MEI1: variants seen among roughly 807,000 people sequenced by gnomAD.
MEI1 encodes the protein meiotic double-stranded break formation protein 1.
MEI1 carries 103 observed loss-of-function variants against 146.2 expected under a neutral mutation model. The observed-to-expected ratio is 0.70, with a 90% CI of 0.60 to 0.83. The LOEUF is 0.83. MEI1 is among the 40% of genes least tolerant of loss of function. MEI1 has a pLI of 0.00. For missense variants in MEI1, 1,529 were observed against 1,533.0 expected, an observed-to-expected ratio of 1.00 and a Z score of 0.04; for synonymous variants, 652 against 628.2, an observed-to-expected ratio of 1.04 and a Z score of -0.57.
intron 24 of MEI1, among the ~76,000 whole-genome samples, chr22:41,784,042 G>A (rs1243619035): frequency 6.6e-6 from 1 of 152,164 alleles, no homozygotes; most frequent in East Asian, 1.9e-4. Flanking sequence ...TAGGTGTATA[G>A]TGAACAGAGC....
chr22:41,722,866 G>A (rs755196074), intron 6 of MEI1, among the ~76,000 whole-genome samples: 2 of 152,038 alleles, frequency 1.3e-5, no homozygotes, highest in African/African-American at 4.8e-5. Flanking sequence ...TGTATTATTT[G>A]GAACACTTTG....
At chr22:41,786,020 C>T (rs2075971315) in intron 26 of MEI1, among the ~76,000 whole-genome samples, 1 of 147,294 alleles carries the variant, frequency 6.8e-6, no homozygotes, top group South Asian at 2.2e-4. Flanking sequence ...ACGCCATTCT[C>T]CTGCCTCAGC....
chr22:41,772,679 G>C (rs545704155), intron 20 of MEI1, among the ~76,000 whole-genome samples: 69 of 152,120 alleles, frequency 4.5e-4, no homozygotes, highest in Non-Finnish European at 7.2e-4. Context: ...ATGGTCACAA[G>C]AGTTGGAAAT....
chr22:41,724,097 C>T, intron 7 of MEI1, 24 bp downstream of exon 7: 2 of 1,612,952 alleles, frequency 1.2e-6, no homozygotes, highest in Non-Finnish European at 1.7e-6. Context: ...GATTCCTGGT[C>T]TCTAGGTTCA....
chr22:41,701,709 A>T (rs1398616270), intron 1 of MEI1, among the ~76,000 whole-genome samples: 1 of 152,230 alleles, frequency 6.6e-6, no homozygotes, highest in Non-Finnish European at 1.5e-5. Context: ...AGAACTTAGA[A>T]GAATGAACAT....
At chr22:41,771,616 T>A (rs917035754) in intron 20 of MEI1, among the ~76,000 whole-genome samples, 1 of 151,430 alleles carries the variant, frequency 6.6e-6, no homozygotes, top group Non-Finnish European at 1.5e-5. Flanking sequence ...TTTACTTTTT[T>A]TTTTAAGAGA....
In MEI1 at chr22:41,795,594, C is replaced by T; in HGVS notation, c.3666+52C>T. On this transcript the variant is annotated intron_variant, in intron 29 of 30. Coordinates refer to ENST00000401548, the MANE Select transcript of MEI1 (RefSeq NM_152513.4). The surrounding 1 kb of genome is among the most constrained non-coding windows in gnomAD (Gnocchi z 4.2). ...CCACTGTAAAGCTAGACCCTCAACACCATCTTCTCTTGGAGGGTGGGAGCT... is the reference window on the plus strand; with the variant it reads ...CCACTGTAAAGCTAGACCCTCAACATCATCTTCTCTTGGAGGGTGGGAGCT... 2.5e-6 allele frequency: 4 copies of T among 1,610,228 alleles called. No homozygotes were observed. The highest frequency in any genetic ancestry group is 3.4e-6 in the Non-Finnish European group (4 of 1,177,572).
intron 11 of MEI1, among the ~76,000 whole-genome samples, chr22:41,734,946 A>T (rs1302863297): frequency 1.3e-5 from 2 of 150,188 alleles, no homozygotes; most frequent in East Asian, 4.0e-4. Flanking sequence ...CCTACATTTT[A>T]TATATTTTTT....
At chr22:41,765,057 T>C (rs959837053) in intron 19 of MEI1, among the ~76,000 whole-genome samples, 2 of 152,072 alleles carry the variant, frequency 1.3e-5, no homozygotes, top group Admixed American at 1.3e-4. Flanking sequence ...CAGGCTGGAG[T>C]GCAATGGCGC....
intron 9 of MEI1, among the ~76,000 whole-genome samples, chr22:41,731,861 C>T (rs2071894921): frequency 6.6e-6 from 1 of 152,124 alleles, no homozygotes; most frequent in East Asian, 1.9e-4. Flanking sequence ...AGCACAGGAG[C>T]TGTGGGGGCT....
chr22:41,718,296 A>G, intron 6 of MEI1, 22 bp downstream of exon 6: 2 of 1,608,448 alleles, frequency 1.2e-6, no homozygotes, highest in East Asian at 2.2e-5. Context: ...GGCTGGAGAA[A>G]AAAGGGAGAA....
At chr22:41,742,300 C>T (rs552238100) in intron 11 of MEI1, among the ~76,000 whole-genome samples, 9 of 152,068 alleles carry the variant, frequency 5.9e-5, no homozygotes, top group Non-Finnish European at 8.8e-5. Flanking sequence ...TGGTTTTCCT[C>T]GTTGAGTTAA....
intron 15 of MEI1, among the ~76,000 whole-genome samples, chr22:41,750,916 G>A (rs775695664): frequency 2.0e-5 from 3 of 152,046 alleles, no homozygotes; most frequent in African/African-American, 4.8e-5. Flanking sequence ...CCATACTTCC[G>A]GACCCAAGAG....
intron 24 of MEI1, among the ~76,000 whole-genome samples, chr22:41,783,153 C>T (rs1569319403): frequency 6.6e-6 from 1 of 151,822 alleles, no homozygotes; most frequent in Non-Finnish European, 1.5e-5. Flanking sequence ...ATTGCCATAC[C>T]TTTTTTTTGT....
intron 7 of MEI1, among the ~76,000 whole-genome samples, chr22:41,728,002 C>T (rs1377543119): frequency 2.0e-5 from 3 of 152,262 alleles, no homozygotes; most frequent in African/African-American, 7.2e-5. Context: ...CTTGTATACA[C>T]GGGAGATTGG....
Position 41,758,500 on chromosome 22 carries a change from TC to T in MEI1, c.2089del (p.Leu697SerfsTer70). 6.2e-7 allele frequency: 1 copy of T among 1,613,562 alleles called. No individual in the cohort carries two copies. Among genetic ancestry groups the T allele is most frequent in the Non-Finnish European group, 8.5e-7 (1 of 1,179,672 alleles). On this transcript the variant is annotated frameshift_variant, in exon 18 of 31. Coordinates refer to ENST00000401548, the MANE Select transcript of MEI1 (RefSeq NM_152513.4). LOFTEE classifies it high-confidence loss of function. Reference sequence around the variant, plus strand: ...CGCCAGAGACAGTACTGCATCCTGCTCCTCTTCTACTTGGCCTACATCCATG... The same window carrying T: ...CGCCAGAGACAGTACTGCATCCTGCTCTCTTCTACTTGGCCTACATCCATG... ...AARQRQYCIL[L>X]LFYLAYIHED...
intron 26 of MEI1, among the ~76,000 whole-genome samples, chr22:41,787,392 T>G (rs111925297): frequency 6.6e-6 from 1 of 152,220 alleles, no homozygotes; most frequent in Admixed American, 6.5e-5. Context: ...TTTATTATAC[T>G]TGCTTAATCA....
In MEI1 at chr22:41,752,358, T is replaced by C. The variant is rs541921549; in HGVS notation, c.1793-233T>C. 2.5e-5 allele frequency: 13 copies of C among 523,040 alleles called. No homozygotes were observed. In the South Asian group the frequency reaches 3.2e-4, roughly 13 times the overall value. 32.4% of individuals were successfully genotyped at this position (523,040 alleles called of 1,614,324 possible). A position where few individuals can be genotyped will look rare whatever the true frequency, so the allele number is the denominator to read the frequency against. On this transcript the variant is annotated intron_variant, in intron 15 of 30. Transcript: ENST00000401548. ...CCAAGTATTTGTTAGATGTTCTCCA[T>C]ACATTTATCTTACTTAGCTTTACAA...
At chr22:41,741,654 A>G (rs558033661) in intron 11 of MEI1, among the ~76,000 whole-genome samples, 36 of 152,354 alleles carry the variant, frequency 2.4e-4, no homozygotes, top group African/African-American at 6.7e-4. Context: ...ATGGTCCCCA[A>G]TACTTCTATA....
Sources: allele counts gnomAD v4.1 joint callset (sites outside exome capture counted in the v4.1 genomes callset), GRCh38; gene constraint gnomAD v4.1.1; non-coding constraint Gnocchi (gnomAD v3.1); transcripts MANE v1.5; gene names NCBI Gene and HGNC (gene_info 2026-07-23, HGNC 2026-07-21).